The following CEP63 variants were observed in gnomAD, a reference collection of about 807,000 sequenced individuals.
CEP63 encodes centrosomal protein of 63 kDa.
CEP63 carries 84 observed loss-of-function variants against 89.1 expected under a neutral mutation model. The ratio of observed to expected loss-of-function variants is 0.94; its 90% CI spans 0.79 to 1.13. The LOEUF (loss-of-function observed/expected upper bound fraction) is 1.13, where lower values mean the gene tolerates loss of function less well. CEP63 is among the 50% of genes most tolerant of loss of function. CEP63 has a pLI of 0.00. For synonymous variants in CEP63, 267 were observed against 272.5 expected, an observed-to-expected ratio of 0.98 and a Z score of 0.20; for missense variants, 838 against 813.3, an observed-to-expected ratio of 1.03 and a Z score of -0.37.
intron 11 of CEP63, among the ~76,000 whole-genome samples, chr3:134,573,104 G>A (rs1298212227): frequency 6.6e-6 from 1 of 152,116 alleles, no homozygotes; most frequent in East Asian, 1.9e-4. Flanking sequence ...GTTTAATGGG[G>A]TTGTTTGCTT....
chr3:134,650,820 G>A, the CEP63 span: 3 of 1,579,712 alleles, frequency 1.9e-6, 1 homozygote, highest in South Asian at 3.4e-5. Flanking sequence ...TCGGGCGCGC[G>A]TTACCTCCTC....
the CEP63 span, among the ~76,000 whole-genome samples, chr3:134,652,179 G>C: frequency 6.6e-6 from 1 of 152,154 alleles, no homozygotes; most frequent in East Asian, 1.9e-4. Context: ...TCACTGGGTT[G>C]ATAAAAATTT....
At chr3:134,629,799 T>C in the CEP63 span, 1 of 725,172 alleles carries the variant, frequency 1.4e-6, no homozygotes, top group Non-Finnish European at 2.4e-6. Flanking sequence ...TTTAGAACTT[T>C]CTTTTGTGTG....
intron 3 of CEP63, among the ~76,000 whole-genome samples, chr3:134,514,518 A>C (rs996408974): frequency 6.6e-6 from 1 of 152,204 alleles, no homozygotes; most frequent in Non-Finnish European, 1.5e-5. Flanking sequence ...GCCATGGTTG[A>C]AAACTAAAGA....
the CEP63 span, among the ~76,000 whole-genome samples, chr3:134,681,435 G>A: frequency 4.3e-3 from 654 of 152,274 alleles, 5 homozygotes; most frequent in African/African-American, 0.015. Flanking sequence ...AGGAGGCATC[G>A]TGCAGTCTAT....
chr3:134,773,814 G>T, the CEP63 span, among the ~76,000 whole-genome samples: 12 of 151,906 alleles, frequency 7.9e-5, no homozygotes, highest in Non-Finnish European at 1.6e-4. Flanking sequence ...CATCCTTCCT[G>T]TCACCAGGTG....
At chr3:134,698,474 C>T in the CEP63 span, among the ~76,000 whole-genome samples, 1 of 152,228 alleles carries the variant, frequency 6.6e-6, no homozygotes, top group South Asian at 2.1e-4. Context: ...CGTCTCCATC[C>T]TCCACCTCCA....
At chr3:134,679,657 C>T in the CEP63 span, among the ~76,000 whole-genome samples, 2 of 152,180 alleles carry the variant, frequency 1.3e-5, no homozygotes, top group African/African-American at 4.8e-5. Context: ...GAGATATGGT[C>T]TTTAAAGATC....
At chr3:134,489,480 A>T (rs757256878) in intron 1 of CEP63, among the ~76,000 whole-genome samples, 1 of 152,164 alleles carries the variant, frequency 6.6e-6, no homozygotes, top group Non-Finnish European at 1.5e-5. Context: ...TGATGTTAAC[A>T]TTAAACATTA....
At chr3:134,764,272 T>A in the CEP63 span, among the ~76,000 whole-genome samples, 1 of 152,176 alleles carries the variant, frequency 6.6e-6, no homozygotes, top group African/African-American at 2.4e-5. Flanking sequence ...TCCAAAGCCT[T>A]CCGAGGCATT....
At chr3:134,521,940 T>C (rs375915518) in intron 3 of CEP63, among the ~76,000 whole-genome samples, 6 of 152,318 alleles carry the variant, frequency 3.9e-5, no homozygotes, top group Non-Finnish European at 5.9e-5. Flanking sequence ...GCACTTTAAC[T>C]GTATAGAGTG....
chr3:134,741,987 A>AGTGTGTGTGTGT, the CEP63 span, among the ~76,000 whole-genome samples: 18 of 147,588 alleles, frequency 1.2e-4, no homozygotes, highest in African/African-American at 3.9e-4. Context: ...CTGAGAGACC[A>AGTGTGTGTGTGT]GTGTGTGTGT....
intron 3 of CEP63, among the ~76,000 whole-genome samples, chr3:134,521,380 A>G (rs1341590427): frequency 6.6e-6 from 1 of 152,188 alleles, no homozygotes; most frequent in East Asian, 1.9e-4. Flanking sequence ...GCAACAGTCA[A>G]TTCCCATTTT....
the CEP63 span, among the ~76,000 whole-genome samples, chr3:134,667,116 C>T: frequency 2.6e-5 from 4 of 152,224 alleles, no homozygotes; most frequent in African/African-American, 9.6e-5. Flanking sequence ...TCATTCATCA[C>T]CATCTTTTTC....
At chr3:134,719,851 C>T in the CEP63 span, among the ~76,000 whole-genome samples, 1 of 152,144 alleles carries the variant, frequency 6.6e-6, no homozygotes, top group Non-Finnish European at 1.5e-5. Context: ...AGATGTATCA[C>T]ATTTTGTCTA....
the CEP63 span, among the ~76,000 whole-genome samples, chr3:134,683,331 A>G: frequency 6.6e-6 from 1 of 152,352 alleles, no homozygotes; most frequent in South Asian, 2.1e-4. Context: ...GAGACTATTC[A>G]TAGAAGTATA....
the CEP63 span, among the ~76,000 whole-genome samples, chr3:134,638,554 C>T: frequency 5.3e-5 from 8 of 152,188 alleles, no homozygotes; most frequent in Non-Finnish European, 1.0e-4. Flanking sequence ...CAGCTTTGAC[C>T]GTCTTAGTTA....
chr3:134,577,817 C>A (rs1958250743), downstream of CEP63, among the ~76,000 whole-genome samples: 1 of 152,080 alleles, frequency 6.6e-6, no homozygotes, highest in Non-Finnish European at 1.5e-5. Context: ...GTTCCCCTCC[C>A]TGTGTCCCTG....
At chr3:134,550,398 C>G in intron 11 of CEP63, 138 bp downstream of exon 11, 3 of 854,608 alleles carry the variant, frequency 3.5e-6, no homozygotes, top group South Asian at 3.1e-5. Flanking sequence ...TGCTGGCTAG[C>G]AAAGAGTTTA....
Sources: gnomAD v4.1 joint callset for allele counts (sites outside exome capture counted in the v4.1 genomes callset) on GRCh38, gnomAD v4.1.1 for gene constraint, MANE v1.5 for transcripts, NCBI Gene and HGNC (gene_info 2026-07-23, HGNC 2026-07-21) for gene names.